The following AAAS variants were observed in gnomAD, a reference collection of about 807,000 sequenced individuals.
AAAS encodes aladin.
Under a neutral mutation model 75.6 loss-of-function variants are expected in AAAS, and 60 were observed. The ratio of observed to expected loss-of-function variants is 0.79; its 90% CI spans 0.64 to 0.98. The LOEUF is 0.98. Ranked by LOEUF, AAAS falls within the 50% of genes least tolerant of loss-of-function variation. AAAS has a pLI of 0.00. For synonymous variants in AAAS, 271 were observed against 265.0 expected (o/e 1.02, Z -0.22); for missense variants, 658 against 686.9 (o/e 0.96, Z 0.47).
At chr12:53,309,907 C>A (rs1418931356) in intron 7 of AAAS, 186 bp from the exon 8 acceptor site, 7 of 859,662 alleles carry the variant, frequency 8.1e-6, no homozygotes, top group Non-Finnish European at 1.3e-5. Flanking sequence ...GAAAAACGAC[C>A]AAGTCACCAC....
At position 53,308,093 on chromosome 12, in the gene AAAS, AAGG is replaced by A. The variant is rs1268595876; in HGVS notation, c.1287_1289del (p.Leu430del). 6 of 1,614,192 alleles carry A rather than the reference AAGG, an allele frequency of 3.7e-6. No individual in the cohort carries two copies. The highest frequency in any genetic ancestry group is 1.3e-5 in the African/African-American group (1 of 75,030). ...ACACAGGGCTGTTTCGAGTGCGAAAAAGGAGGATGACTGGTTTACCATCCTGTA... is the reference window on the plus strand; with the variant it reads ...ACACAGGGCTGTTTCGAGTGCGAAAAAGGATGACTGGTTTACCATCCTGTA... On this transcript the variant is annotated inframe_deletion, in exon 14 of 16. Transcript: ENST00000209873.
At chr12:53,321,145 G>A in intron 1 of AAAS, 198 bp downstream of exon 1, 2 of 776,878 alleles carry the variant, frequency 2.6e-6, no homozygotes, top group Non-Finnish European at 4.0e-6. Flanking sequence ...CTCCTCCACA[G>A]CTCCTTAACC....
In AAAS at chr12:53,321,494, G is replaced by A. The variant is rs371654852; in HGVS notation, c.-29C>T. 10 of 1,613,354 alleles carry A rather than the reference G, an allele frequency of 6.2e-6. No homozygotes were observed. Among genetic ancestry groups the A allele is most frequent in the Non-Finnish European group, 5.1e-6 (6 of 1,179,886 alleles). On this transcript the variant is annotated 5_prime_UTR_variant, in exon 1 of 16. Coordinates refer to ENST00000209873, the MANE Select transcript of AAAS (RefSeq NM_015665.6). ...GCCGGTTCGCAGGACGTCTGCAGTC[G>A]GCAAACTCCTGGCCGGAACGGCACA...
chr12:53,308,635 T>C, intron 11 of AAAS, 90 bp downstream of exon 11: 1 of 1,596,092 alleles, frequency 6.3e-7, no homozygotes, highest in African/African-American at 1.3e-5. Flanking sequence ...TAAGCTTCTA[T>C]ATTTCCCTTT....
rs2136811046 is a variant in AAAS at position 53,314,824 on chromosome 12, CAA to C, written c.470_471del (p.Phe157CysfsTer16). 6.2e-7 allele frequency: 1 copy of C among 1,613,902 alleles called. No individual in the cohort carries two copies. The highest frequency in any genetic ancestry group is 8.5e-7 in the Non-Finnish European group (1 of 1,179,966). ...AACTTGTTGGTGTGGGGGTGCCATG[CAA>C]AGACACGCAAGCAGCAGCTGGACCT... is the stretch of plus-strand genomic sequence containing the variant. ...TNWSSCCLRVFAWHPHTNKFA... is the reference protein window; with the variant it reads ...TNWSSCCLRVXAWHPHTNKFA... On this transcript the variant is annotated frameshift_variant, in exon 6 of 16. Transcript: ENST00000209873. LOFTEE classifies it high-confidence loss of function.
rs760745488 is a variant in AAAS, at chr12:53,309,203, G to A, written c.889C>T (p.Pro297Ser). Reference protein sequence around the residue: ...GGGVTNLLWSPDGSKILATTP... With the variant: ...GGGVTNLLWSSDGSKILATTP... ...GTAGCCAGGATTTTGCTGCCGTCTGGGGACCAGAGCAGGTTGGTCACCCCA... is the reference window on the plus strand; with the variant it reads ...GTAGCCAGGATTTTGCTGCCGTCTGAGGACCAGAGCAGGTTGGTCACCCCA... Residue 297 changes from proline (P) to serine (S), a missense_variant, in exon 9 of 16, where the codon CCA (proline) becomes TCA (serine). Coordinates refer to ENST00000209873, the MANE Select transcript of AAAS (RefSeq NM_015665.6). The A allele has an allele frequency of 1.9e-6, 3 of 1,614,088 alleles. No individual in the cohort carries two copies. The highest frequency in any genetic ancestry group is 1.1e-5 in the South Asian group (1 of 91,076).
rs149487112 is a variant in AAAS at position 53,309,273 on chromosome 12, A to G, written c.819T>C (p.Asp273=). ...SPVDAAIRVW[D]VSTETCVPLP... ...GGGGGACACAGGTCTCTGTTGAGAC[A>G]TCCCATACCTAGGAGAGTGGGGCAG... The change falls in exon 9 of 16, where the codon GAT becomes GAC. Residue 273 remains aspartate, a synonymous_variant. Coordinates refer to ENST00000209873, the MANE Select transcript of AAAS (RefSeq NM_015665.6). 2.5e-5 allele frequency: 40 copies of G among 1,613,860 alleles called. No homozygotes were observed. The highest frequency in any genetic ancestry group is 5.1e-6 in the Non-Finnish European group (6 of 1,180,030).
At chr12:53,314,589 G>A in intron 6 of AAAS, 148 bp from the exon 7 acceptor site, 1 of 1,348,572 alleles carries the variant, frequency 7.4e-7, no homozygotes, top group Non-Finnish European at 1.0e-6. Context: ...ATAAAGGTTA[G>A]GTCTAGAAGA....
At chr12:53,307,978 G>GT in intron 14 of AAAS, 49 bp from the exon 15 acceptor site, 1 of 1,612,414 alleles carries the variant, frequency 6.2e-7, no homozygotes, top group East Asian at 2.2e-5. Flanking sequence ...GGAGCTGAAT[G>GT]TAGTGGGATG....
chr12:53,316,683 C>T (rs1196037652), intron 2 of AAAS, among the ~76,000 whole-genome samples: 6 of 148,986 alleles, frequency 4.0e-5, no homozygotes, highest in African/African-American at 1.2e-4. Context: ...ATCGCCTGAA[C>T]CCGGGAGGTG....
In AAAS at chr12:53,315,934, T is replaced by C. The variant is rs1944455670; in HGVS notation, c.252-152A>G. 4.5e-5 allele frequency: 38 copies of C among 836,272 alleles called. No homozygotes were observed. In the South Asian group the frequency reaches 5.1e-4, roughly 11 times the overall value. 51.8% of individuals were successfully genotyped at this position (836,272 alleles called of 1,614,324 possible). A position where few individuals can be genotyped will look rare whatever the true frequency, so the allele number is the denominator to read the frequency against. On this transcript the variant is annotated intron_variant, in intron 2 of 15. Coordinates refer to ENST00000209873, the MANE Select transcript of AAAS (RefSeq NM_015665.6). ...ACCAGGCACTCTACGGGCTGTCCTT[T>C]CATTTACATATCTCACAAATCTGAA...
chr12:53,314,373 C>T lies in AAAS; in HGVS notation c.614G>A (p.Ser205Asn), dbSNP rs772310506. The change falls in exon 7 of 16, where the codon AGT (serine) becomes AAT (asparagine). Residue 205 changes from serine (S) to asparagine (N), a missense_variant. Ser to Asn is a conservative substitution (Grantham distance 46). Coordinates refer to ENST00000209873, the MANE Select transcript of AAAS (RefSeq NM_015665.6). ...GCAGGCCACAGCCAAGACAGAGGCA[C>T]TAAGGGGCTTCCAGGCCAGAGACGC... ...NVASLAWKPL[S>N]ASVLAVACQS... 3 of 1,614,162 alleles carry T rather than the reference C, an allele frequency of 1.9e-6. No individual in the cohort carries two copies. The highest frequency in any genetic ancestry group is 2.5e-6 in the Non-Finnish European group (3 of 1,180,044).
intron 7 of AAAS, chr12:53,309,923 G>T: frequency 1.3e-6 from 1 of 753,354 alleles, no homozygotes; most frequent in Non-Finnish European, 2.2e-6. Context: ...ACCACGAGCA[G>T]GTCAACAGAG....
chr12:53,315,877 G>A, intron 2 of AAAS, 95 bp from the exon 3 acceptor site: 1 of 1,397,608 alleles, frequency 7.2e-7, no homozygotes, highest in Non-Finnish European at 1.0e-6. Flanking sequence ...TTAAAAATAT[G>A]GGCACTCACA....
Position 53,320,717 on chromosome 12 carries a change from G to C in AAAS, c.124-25C>G, listed in dbSNP as rs780317770. ...ACTATAGCACAAAAGTGAGGAGTGT[G>C]ACGGTGATTCAGTCTCTTCCCAAAT... On this transcript the variant is annotated intron_variant, in intron 1 of 15. Coordinates refer to ENST00000209873, the MANE Select transcript of AAAS (RefSeq NM_015665.6). The C allele has an allele frequency of 5.0e-6, 8 of 1,613,258 alleles. No individual in the cohort carries two copies. The South Asian group carries it at 8.8e-5, about 18-fold the overall frequency.
In AAAS at chr12:53,315,722, C is replaced by T; in HGVS notation, c.307+5G>A. 1 of 1,613,508 alleles carries T rather than the reference C, an allele frequency of 6.2e-7. No individual in the cohort carries two copies. ...CTAGGGAAGGCTGGAGGGAAAAATA[C>T]TTACCCTCTTCTTCTGAGTTTGCAA... On this transcript the variant is annotated splice_donor_5th_base_variant and intron_variant, in intron 3 of 15. Coordinates refer to ENST00000209873, the MANE Select transcript of AAAS (RefSeq NM_015665.6).
In AAAS at chr12:53,307,535, G is replaced by A. The variant is rs1343373755; in HGVS notation, c.1595C>T (p.Pro532Leu). 2 of 1,614,158 alleles carry A rather than the reference G, an allele frequency of 1.2e-6. No homozygotes were observed. The highest frequency in any genetic ancestry group is 1.7e-5 in the Admixed American group (1 of 60,034). Residue 532 changes from proline to leucine, a missense_variant, in exon 16 of 16, where the codon CCA becomes CTA. By Grantham distance (98) the Pro-to-Leu change is moderately conservative. Transcript: ENST00000209873. ...GTGGGGCAGAACAGGTGGTGGCCCTGGGAGAGGGTCCCAAGGGGCAGAGGT... is the reference window on the plus strand; with the variant it reads ...GTGGGGCAGAACAGGTGGTGGCCCTAGGAGAGGGTCCCAAGGGGCAGAGGT... ...SPTSAPWDPL[P>L]GPPPVLPHSP...
At position 53,307,603 on chromosome 12, in the gene AAAS, T is replaced by C; in HGVS notation, c.1527A>G (p.Gly509=). The change falls in exon 16 of 16, where the codon GGA becomes GGG. Residue 509 remains glycine (G), a synonymous_variant. Coordinates refer to ENST00000209873, the MANE Select transcript of AAAS (RefSeq NM_015665.6). ...GRAQEPPAGG[G]GSIHDLPLFT... ...AGAGGGGCAGGTCATGAATAGAGCC[T>C]CCACCCCCAGCAGGGGGTTCCTGGG... is the stretch of plus-strand genomic sequence containing the variant. 6.2e-7 allele frequency: 1 copy of C among 1,614,140 alleles called. No individual in the cohort carries two copies. The highest frequency in any genetic ancestry group is 8.5e-7 in the Non-Finnish European group (1 of 1,179,990).
rs1373249116 is a variant in AAAS, at chr12:53,320,515, T to C, written c.251+50A>G. On this transcript the variant is annotated intron_variant, in intron 2 of 15. Transcript: ENST00000209873. ...CCAAGGTAAAGGGGTGTTGACTCAT[T>C]TTCCAGGATCTGCAGACTGTGACCC... The C allele has an allele frequency of 3.1e-6, 5 of 1,612,092 alleles. No individual in the cohort carries two copies. In the African/African-American group the frequency reaches 6.7e-5, roughly 22 times the overall value.
Sources: allele counts gnomAD v4.1 joint callset (sites outside exome capture counted in the v4.1 genomes callset), GRCh38; gene constraint gnomAD v4.1.1; transcripts MANE v1.5; gene names NCBI Gene and HGNC (gene_info 2026-07-23, HGNC 2026-07-21).